Variants in ARID1B observed in about 807,000 individuals in gnomAD.
The protein encoded by ARID1B is AT-rich interaction domain 1B, also known as AT-rich interactive domain-containing protein 1B.
In ARID1B, 30 loss-of-function variants were observed where a neutral mutation model predicts 212.3. That is an observed-to-expected ratio of 0.14 (90% CI 0.11 to 0.19). The LOEUF is 0.19. Ranked by LOEUF, ARID1B falls within the 10% of genes least tolerant of loss-of-function variation. The pLI is 1.00. For missense variants in ARID1B, 2,891 were observed against 3,204.0 expected (o/e 0.90, Z 2.36); for synonymous variants, 1,402 against 1,301.7 (o/e 1.08, Z -1.66).
chr6:157,048,111 C>T (rs1286041131), intron 4 of ARID1B, among the ~76,000 whole-genome samples: 1 of 152,140 alleles, frequency 6.6e-6, no homozygotes, highest in African/African-American at 2.4e-5. Flanking sequence ...CTCCTCCTGC[C>T]TTAAATTTGG....
At chr6:156,954,875 G>A (rs938315049) in intron 4 of ARID1B, among the ~76,000 whole-genome samples, 1 of 152,190 alleles carries the variant, frequency 6.6e-6, no homozygotes, top group African/African-American at 2.4e-5. Flanking sequence ...TCCTTAATGA[G>A]CTTCATTTTT....
intron 2 of ARID1B, 162 bp downstream of exon 2, chr6:156,829,583 T>C (rs772471709): frequency 9.4e-6 from 8 of 847,662 alleles, no homozygotes; most frequent in Non-Finnish European, 1.4e-5. Flanking sequence ...TTTTTTTTTC[T>C]TTTAAAGATG....
At chr6:156,841,683 G>C (rs1783911664) in intron 2 of ARID1B, among the ~76,000 whole-genome samples, 1 of 152,014 alleles carries the variant, frequency 6.6e-6, no homozygotes, top group African/African-American at 2.4e-5. Context: ...TGTTTATTGA[G>C]GGCTTACTCT....
chr6:157,181,171 T>C lies in ARID1B; in HGVS notation c.3707T>C (p.Leu1236Ser), dbSNP rs1554231272. The C allele has an allele frequency of 1.9e-6, 3 of 1,614,186 alleles. No individual in the cohort carries two copies. Among genetic ancestry groups the C allele is most frequent in the Non-Finnish European group, 2.5e-6 (3 of 1,180,032 alleles). Residue 1236 changes from leucine to serine, a missense_variant, in exon 12 of 20, where the codon TTG becomes TCG. This residue lies in a region of ARID1B where 666 missense variants were observed against 873.5 expected (regional missense o/e 0.76). Transcript: ENST00000636930. ...LYVCVKEIGG[L>S]AQVNKNKKWR... ...GTCTGCGTCAAAGAGATCGGGGGTTTGGCCCAGGTAAGAATGAGTGAGGGA... is the reference window on the plus strand; with the variant it reads ...GTCTGCGTCAAAGAGATCGGGGGTTCGGCCCAGGTAAGAATGAGTGAGGGA...
intron 4 of ARID1B, among the ~76,000 whole-genome samples, chr6:157,001,865 G>T (rs12205414): frequency 0.29 from 44,028 of 152,020 alleles, 6,559 homozygotes; most frequent in Non-Finnish European, 0.32. Context: ...TCGGCCGGAG[G>T]AGAGATGGAC....
intron 7 of ARID1B, among the ~76,000 whole-genome samples, chr6:157,142,700 A>G (rs570480152): frequency 2.0e-5 from 3 of 152,344 alleles, no homozygotes; most frequent in African/African-American, 4.8e-5. Context: ...AATGGTAAAC[A>G]TCACTGGCTA....
rs531616555 is a variant in ARID1B, at chr6:157,156,697, G to A, written c.3089+7746G>A. Among the ~76,000 whole-genome samples, 34 of 152,284 alleles carry A rather than the reference G, an allele frequency of 2.2e-4. No individual in the cohort carries two copies. The East Asian group carries it at 6.4e-3, about 29-fold the overall frequency. Reference sequence around the variant, plus strand: ...CTGTACACCCTCACCCAGCCAGGGGGCCAAGGCGCGGGAGCCTCAACTCCA... The same window carrying A: ...CTGTACACCCTCACCCAGCCAGGGGACCAAGGCGCGGGAGCCTCAACTCCA... On this transcript the variant is annotated intron_variant, in intron 8 of 19. Coordinates refer to ENST00000636930, the MANE Select transcript of ARID1B (RefSeq NM_001374828.1).
chr6:156,956,723 T>TG (rs1367469555), intron 4 of ARID1B, among the ~76,000 whole-genome samples: 1 of 152,220 alleles, frequency 6.6e-6, no homozygotes, highest in Non-Finnish European at 1.5e-5. Context: ...GCAGGGACTT[T>TG]GGGATATTCT....
chr6:156,922,369 C>G (rs1790881132), intron 3 of ARID1B, among the ~76,000 whole-genome samples: 1 of 151,988 alleles, frequency 6.6e-6, no homozygotes, highest in Admixed American at 6.6e-5. Flanking sequence ...GATGGGGTTT[C>G]ACCATGTTGA....
intron 4 of ARID1B, among the ~76,000 whole-genome samples, chr6:157,055,354 C>G (rs1381646868): frequency 6.6e-6 from 1 of 151,966 alleles, no homozygotes; most frequent in African/African-American, 2.4e-5. Context: ...TTGTTTCTGT[C>G]TTTGTCGTTT....
intron 8 of ARID1B, chr6:157,166,401 T>C (rs1419338680): frequency 6.6e-6 from 1 of 152,208 alleles, no homozygotes; most frequent in Non-Finnish European, 1.5e-5. Context: ...GTGCAGCTGA[T>C]CTAAGTGCCC....
At chr6:157,160,161 T>C (rs917246358) in intron 8 of ARID1B, among the ~76,000 whole-genome samples, 5 of 152,178 alleles carry the variant, frequency 3.3e-5, no homozygotes, top group African/African-American at 4.8e-5. Context: ...CAAAGTCTTA[T>C]ATAGAGGGTT....
At chr6:157,166,633 A>G (rs1791344444) in intron 8 of ARID1B, 1 of 154,416 alleles carries the variant, frequency 6.5e-6, no homozygotes, top group African/African-American at 2.4e-5. Flanking sequence ...CACACTGCCC[A>G]TTTGTTTTTC....
chr6:157,196,929 G>A (rs1793769710), intron 16 of ARID1B, among the ~76,000 whole-genome samples: 1 of 152,164 alleles, frequency 6.6e-6, no homozygotes, highest in Admixed American at 6.5e-5. Flanking sequence ...AGTTAAACTT[G>A]CAAGTTAAAA....
intron 1 of ARID1B, among the ~76,000 whole-genome samples, chr6:156,795,710 C>T (rs1232457290): frequency 6.6e-6 from 1 of 152,122 alleles, no homozygotes; most frequent in Non-Finnish European, 1.5e-5. Flanking sequence ...CCAGGCTGCC[C>T]AGGCCTCCTC....
intron 4 of ARID1B, among the ~76,000 whole-genome samples, chr6:157,082,731 G>A (rs1784716569): frequency 6.6e-6 from 1 of 152,102 alleles, no homozygotes; most frequent in African/African-American, 2.4e-5. Flanking sequence ...TTGGAGATTT[G>A]ATGAACTTTT....
At chr6:156,929,810 C>T (rs1182608966) in intron 3 of ARID1B, among the ~76,000 whole-genome samples, 1 of 152,130 alleles carries the variant, frequency 6.6e-6, no homozygotes, top group Non-Finnish European at 1.5e-5. Context: ...TCACTGACCT[C>T]TTACTAGGTG....
intron 3 of ARID1B, among the ~76,000 whole-genome samples, chr6:156,920,937 C>G (rs544069164): frequency 6.6e-6 from 1 of 152,090 alleles, no homozygotes; most frequent in East Asian, 1.9e-4. Context: ...TCACCACAAC[C>G]TCCGCCTCCC....
intron 6 of ARID1B, among the ~76,000 whole-genome samples, chr6:157,131,751 T>C (rs937609335): frequency 1.3e-5 from 2 of 152,072 alleles, no homozygotes; most frequent in African/African-American, 2.4e-5. Flanking sequence ...AGTGCAGGGG[T>C]GCCATCTCAG....
Sources: allele counts gnomAD v4.1 joint callset (sites outside exome capture counted in the v4.1 genomes callset), GRCh38; gene constraint gnomAD v4.1.1; regional missense constraint gnomAD v4.1.1; transcripts MANE v1.5; gene names NCBI Gene and HGNC (gene_info 2026-07-23, HGNC 2026-07-21).